The following COL6A6 variants were observed in gnomAD, a reference collection of about 807,000 sequenced individuals.
The protein encoded by COL6A6 is collagen type VI alpha 6 chain.
A neutral mutation model predicts 208.6 loss-of-function variants in COL6A6; 183 were observed. The observed-to-expected ratio is 0.88, with a 90% CI of 0.78 to 0.99. The LOEUF (loss-of-function observed/expected upper bound fraction) is 0.99. COL6A6 is among the 50% of genes least tolerant of loss of function. The pLI is 0.00. For synonymous variants in COL6A6, 973 were observed against 1,011.8 expected (o/e 0.96, Z 0.73); for missense variants, 2,816 against 2,815.2 (o/e 1.00, Z -0.01).
intron 10 of COL6A6, among the ~76,000 whole-genome samples, chr3:130,584,392 A>G (rs1282927118): frequency 6.6e-6 from 1 of 151,896 alleles, no homozygotes; most frequent in Non-Finnish European, 1.5e-5. Context: ...CTAAACACCA[A>G]TTGATGTACA....
chr3:130,652,756 AT>A (rs2108420391), intron 33 of COL6A6, among the ~76,000 whole-genome samples: 1 of 152,230 alleles, frequency 6.6e-6, no homozygotes, highest in Admixed American at 6.5e-5. Context: ...GTTGTCCATT[AT>A]TTTTTAAGAA....
intron 20 of COL6A6, among the ~76,000 whole-genome samples, chr3:130,600,558 C>T (rs573771695): frequency 6.6e-6 from 1 of 152,256 alleles, no homozygotes; most frequent in East Asian, 1.9e-4. Flanking sequence ...AGATCATGTC[C>T]TTTGCAGGGA....
chr3:130,595,601 C>T (rs2063830015), intron 18 of COL6A6, among the ~76,000 whole-genome samples: 1 of 152,112 alleles, frequency 6.6e-6, no homozygotes, highest in Non-Finnish European at 1.5e-5. Context: ...TTGCTTTATA[C>T]TTGTAAGATG....
intron 23 of COL6A6, among the ~76,000 whole-genome samples, chr3:130,611,798 A>G (rs2064366869): frequency 6.6e-6 from 1 of 152,160 alleles, no homozygotes; most frequent in Non-Finnish European, 1.5e-5. Context: ...TATAATTTGT[A>G]TTTTAGGTCT....
intron 1 of COL6A6, among the ~76,000 whole-genome samples, chr3:130,522,996 A>G (rs1320178602): frequency 6.6e-6 from 1 of 151,652 alleles, no homozygotes; most frequent in East Asian, 1.9e-4. Context: ...TCTGGTTAAA[A>G]TGCTCCAATG....
At chr3:130,636,363 C>T (rs1458328172) in intron 28 of COL6A6, among the ~76,000 whole-genome samples, 1 of 152,162 alleles carries the variant, frequency 6.6e-6, no homozygotes, top group Non-Finnish European at 1.5e-5. Flanking sequence ...CCTTGGGTTC[C>T]TGTGGATTAA....
At chr3:130,558,751 T>C (rs1196079862) in intron 1 of COL6A6, among the ~76,000 whole-genome samples, 1 of 152,010 alleles carries the variant, frequency 6.6e-6, no homozygotes, top group Non-Finnish European at 1.5e-5. Flanking sequence ...AGGAAGAAAA[T>C]AGTGTAAAAC....
At chr3:130,625,370 G>A (rs1401358597) in intron 24 of COL6A6, among the ~76,000 whole-genome samples, 1 of 152,190 alleles carries the variant, frequency 6.6e-6, no homozygotes, top group Non-Finnish European at 1.5e-5. Context: ...TTCTTCCAAA[G>A]AGTACAGTAG....
At chr3:130,553,843 T>G (rs945148611) in intron 1 of COL6A6, among the ~76,000 whole-genome samples, 1 of 88,942 alleles carries the variant, frequency 1.1e-5, no homozygotes, top group Non-Finnish European at 3.1e-5. Flanking sequence ...GGGTTTTTTT[T>G]GTGTTTTTTT....
At position 130,560,443 on chromosome 3, in the gene COL6A6, G is replaced by A. The variant is rs760653237; in HGVS notation, c.64+15G>A. The A allele has an allele frequency of 1.3e-6, 2 of 1,597,368 alleles. No homozygotes were observed. The highest frequency in any genetic ancestry group is 3.4e-5 in the Admixed American group (2 of 58,904). ...CCAAGATTCCGGTAAGGAAAAACTG[G>A]AAAGAATTCTTAATTTTGATTATAG... On this transcript the variant is annotated intron_variant, in intron 2 of 36. Coordinates refer to ENST00000358511, the MANE Select transcript of COL6A6 (RefSeq NM_001102608.3).
At chr3:130,625,302 T>C (rs2064852507) in intron 24 of COL6A6, among the ~76,000 whole-genome samples, 1 of 152,174 alleles carries the variant, frequency 6.6e-6, no homozygotes, top group Non-Finnish European at 1.5e-5. Context: ...TTTCTGTCCT[T>C]AAAAAAGATG....
rs1325836410 is a variant in COL6A6, at chr3:130,649,183, G to C, written c.5354G>C (p.Arg1785Thr). The C allele has an allele frequency of 1.3e-6, 2 of 1,595,454 alleles. No homozygotes were observed. The highest frequency in any genetic ancestry group is 4.5e-5 in the East Asian group (2 of 44,084). ...AAGGAGATGATGGCTTTCCTGGTGA[G>C]AGACATTAAGGTCCGGGAGAACAGC... ...RMKEMMAFLV[R>T]DIKVRENSCP... Residue 1785 changes from arginine to threonine, a missense_variant, in exon 33 of 37, where the codon AGA (arginine) becomes ACA (threonine). Transcript: ENST00000358511.
intron 7 of COL6A6, among the ~76,000 whole-genome samples, chr3:130,573,135 T>C (rs2063204135): frequency 6.6e-6 from 1 of 152,268 alleles, no homozygotes; most frequent in East Asian, 1.9e-4. Context: ...AAAGGCATCC[T>C]TTTAAAACCT....
At position 130,592,529 on chromosome 3, in the gene COL6A6, G is replaced by A. The variant is rs760894938; in HGVS notation, c.4273-12G>A. ...ATAGAAAAAGCTCATTTGGATATGT[G>A]CCCTTTCTCAGGGAGAAAGAGGAGC... On this transcript the variant is annotated splice_polypyrimidine_tract_variant and intron_variant, in intron 13 of 36. Transcript: ENST00000358511. 1 of 1,577,056 alleles carries A rather than the reference G, an allele frequency of 6.3e-7. No individual in the cohort carries two copies. The highest frequency in any genetic ancestry group is 1.8e-5 in the Admixed American group (1 of 54,840).
intron 1 of COL6A6, among the ~76,000 whole-genome samples, chr3:130,553,861 G>T (rs7636181): frequency 0.12 from 3,519 of 28,574 alleles, 131 homozygotes; most frequent in East Asian, 0.17. Flanking sequence ...TTTTTGTTTT[G>T]TTTTGTTTTG....
intron 1 of COL6A6, among the ~76,000 whole-genome samples, chr3:130,542,481 A>G (rs989676406): frequency 1.3e-5 from 2 of 152,154 alleles, no homozygotes; most frequent in African/African-American, 2.4e-5. Flanking sequence ...TGAGCTTGAG[A>G]AGAATGTATA....
chr3:130,671,681 C>G (rs2066219784), intron 36 of COL6A6, among the ~76,000 whole-genome samples: 1 of 152,178 alleles, frequency 6.6e-6, no homozygotes, highest in Non-Finnish European at 1.5e-5. Flanking sequence ...GATGACTCAT[C>G]AGGTCTTTAG....
chr3:130,612,985 T>C (rs2064406116), intron 23 of COL6A6, among the ~76,000 whole-genome samples: 1 of 152,228 alleles, frequency 6.6e-6, no homozygotes. Context: ...CTGTTTACTC[T>C]GTTGATAATT....
chr3:130,638,512 C>T (rs1024757706), intron 28 of COL6A6, among the ~76,000 whole-genome samples: 1 of 152,174 alleles, frequency 6.6e-6, no homozygotes, highest in Non-Finnish European at 1.5e-5. Flanking sequence ...TTCCCTTTGC[C>T]TCTCTTCTGC....
Sources: gnomAD v4.1 joint callset for allele counts (sites outside exome capture counted in the v4.1 genomes callset) on GRCh38, gnomAD v4.1.1 for gene constraint, MANE v1.5 for transcripts, NCBI Gene and HGNC (gene_info 2026-07-23, HGNC 2026-07-21) for gene names.